PRLR: variants seen among roughly 807,000 people sequenced by gnomAD.
The protein encoded by PRLR is hPRL receptor.
Under a neutral mutation model 40.2 loss-of-function variants are expected in PRLR, and 13 were observed. The observed-to-expected ratio is 0.32, with a 90% CI of 0.21 to 0.51. The LOEUF (loss-of-function observed/expected upper bound fraction) is 0.51. Among genes scored for constraint, PRLR ranks in the 20% least tolerant of loss-of-function variants. The pLI, the probability that PRLR is intolerant of heterozygous loss-of-function variation, is 0.97. For missense variants in PRLR, 656 were observed against 747.3 expected (o/e 0.88, Z 1.42); for synonymous variants, 269 against 278.7 (o/e 0.97, Z 0.35).
chr5:35,214,994 T>C (rs983906100), intron 1 of PRLR, among the ~76,000 whole-genome samples: 9 of 152,146 alleles, frequency 5.9e-5, no homozygotes, highest in Non-Finnish European at 1.2e-4. Context: ...TGGTCACCAG[T>C]CAACTGTGGA....
At chr5:35,147,030 G>A (rs1256228713) in intron 1 of PRLR, among the ~76,000 whole-genome samples, 1 of 152,108 alleles carries the variant, frequency 6.6e-6, no homozygotes, top group Non-Finnish European at 1.5e-5. Context: ...TTGAGGAGGA[G>A]AGTAGGATGC....
At chr5:35,078,789 C>T (rs1383996931) in intron 5 of PRLR, among the ~76,000 whole-genome samples, 3 of 152,190 alleles carry the variant, frequency 2.0e-5, no homozygotes, top group South Asian at 2.1e-4. Flanking sequence ...CCCTGATGAA[C>T]ATTGATGCAA....
chr5:35,170,003 C>T (rs780097124), intron 1 of PRLR, among the ~76,000 whole-genome samples: 3 of 152,092 alleles, frequency 2.0e-5, no homozygotes, highest in South Asian at 2.1e-4. Context: ...GAAGCTACCA[C>T]GTAATTTTCT....
intron 7 of PRLR, among the ~76,000 whole-genome samples, chr5:35,069,332 A>G (rs1212428379): frequency 6.6e-6 from 1 of 152,208 alleles, no homozygotes; most frequent in Non-Finnish European, 1.5e-5. Flanking sequence ...ATTTGAACTC[A>G]GGCTTTCTGC....
At chr5:35,088,939 T>C (rs1373363712) in intron 3 of PRLR, among the ~76,000 whole-genome samples, 2 of 152,160 alleles carry the variant, frequency 1.3e-5, no homozygotes, top group Non-Finnish European at 2.9e-5. Flanking sequence ...ATCAGGTCCA[T>C]ATAGAAAAGT....
rs764576273 is a variant in PRLR, at chr5:35,063,041, TG to T, written c.*2047del. The T allele has an allele frequency of 4.6e-5, 7 of 152,316 alleles. 1 individual carries two copies. The highest frequency in any genetic ancestry group is 1.9e-4 in the East Asian group (1 of 5,176). The allele number at this position is 152,316 out of a possible 1,614,324, so 9.4% of individuals were successfully genotyped here. ...GAATCATTTGGGGATCTTAGTAAAATGCAGATTCTGATGCTTAAGATTCTGC... is the reference window on the plus strand; with the variant it reads ...GAATCATTTGGGGATCTTAGTAAAATCAGATTCTGATGCTTAAGATTCTGC... On this transcript the variant is annotated 3_prime_UTR_variant, in exon 10 of 10. Transcript: ENST00000618457.
At chr5:35,187,474 G>T (rs781687152) in intron 1 of PRLR, among the ~76,000 whole-genome samples, 1 of 152,040 alleles carries the variant, frequency 6.6e-6, no homozygotes, top group African/African-American at 2.4e-5. Context: ...ACAGATGAGA[G>T]CTCACTATTA....
At chr5:35,054,252 G>A (rs1768615348), downstream of PRLR, among the ~76,000 whole-genome samples, 1 of 152,224 alleles carries the variant, frequency 6.6e-6, no homozygotes, top group South Asian at 2.1e-4. Flanking sequence ...CAATTTGTCA[G>A]CATCTAGGAA....
rs981991156 is a variant in PRLR, at chr5:35,056,838, T to A, written c.*8251A>T. ...AGTTTTTTAGAGCATGATACTCAAGTAAGAAAGAAATTTCTCATTCTTCTG... is the reference window on the plus strand; with the variant it reads ...AGTTTTTTAGAGCATGATACTCAAGAAAGAAAGAAATTTCTCATTCTTCTG... On this transcript the variant is annotated 3_prime_UTR_variant, in exon 10 of 10. Coordinates refer to ENST00000618457, the MANE Select transcript of PRLR (RefSeq NM_000949.7). The A allele has an allele frequency of 2.6e-5, 4 of 152,218 alleles. No homozygotes were observed. The highest frequency in any genetic ancestry group is 9.6e-5 in the African/African-American group (4 of 41,546). The allele number at this position is 152,218 out of a possible 1,614,324, so 9.4% of individuals were successfully genotyped here.
At chr5:35,095,106 G>A (rs1458925526) in intron 2 of PRLR, among the ~76,000 whole-genome samples, 1 of 152,176 alleles carries the variant, frequency 6.6e-6, no homozygotes, top group African/African-American at 2.4e-5. Flanking sequence ...TGTGATTACA[G>A]GCATGAGCCA....
chr5:35,199,143 G>T (rs925523175), intron 1 of PRLR, among the ~76,000 whole-genome samples: 2 of 151,086 alleles, frequency 1.3e-5, no homozygotes, highest in African/African-American at 4.8e-5. Context: ...CTCACCAGAA[G>T]GTTACAGAGG....
chr5:35,185,479 C>G (rs566243217), intron 1 of PRLR, among the ~76,000 whole-genome samples: 1 of 151,838 alleles, frequency 6.6e-6, no homozygotes, highest in African/African-American at 2.4e-5. Flanking sequence ...AGGCTTGGGC[C>G]TTTTCTAACT....
In PRLR at chr5:35,056,475, A is replaced by C. The variant is rs1768725644; in HGVS notation, c.*8614T>G. 1 of 152,108 alleles carries C rather than the reference A, an allele frequency of 6.6e-6. No individual in the cohort carries two copies. The highest frequency in any genetic ancestry group is 2.4e-5 in the African/African-American group (1 of 41,436). The allele number at this position is 152,108 out of a possible 1,614,324, so 9.4% of individuals were successfully genotyped here. ...AGATTTCAAAGTTTCTATTAAATGGAAGTTGCATCTTCCAGCCCCAAAGAA... is the reference window on the plus strand; with the variant it reads ...AGATTTCAAAGTTTCTATTAAATGGCAGTTGCATCTTCCAGCCCCAAAGAA... On this transcript the variant is annotated 3_prime_UTR_variant, in exon 10 of 10. Coordinates refer to ENST00000618457, the MANE Select transcript of PRLR (RefSeq NM_000949.7).
At chr5:35,112,420 G>T (rs1406936523) in intron 2 of PRLR, among the ~76,000 whole-genome samples, 2 of 152,094 alleles carry the variant, frequency 1.3e-5, no homozygotes, top group African/African-American at 4.8e-5. Context: ...GTTTTACTCT[G>T]GCCCCGGGGC....
intron 1 of PRLR, among the ~76,000 whole-genome samples, chr5:35,136,908 C>T (rs774274193): frequency 2.7e-5 from 4 of 149,690 alleles, no homozygotes; most frequent in Non-Finnish European, 5.9e-5. Flanking sequence ...TTGCTGGTAT[C>T]GAGTCCACAC....
chr5:35,132,584 A>G (rs1773723098), intron 1 of PRLR, among the ~76,000 whole-genome samples: 1 of 152,226 alleles, frequency 6.6e-6, no homozygotes, highest in African/African-American at 2.4e-5. Flanking sequence ...TCAAAATAGG[A>G]AACACATTAG....
chr5:35,050,043 G>A (rs1409974287), intron 8 of PRLR, among the ~76,000 whole-genome samples: 5 of 151,800 alleles, frequency 3.3e-5, no homozygotes, highest in Non-Finnish European at 5.9e-5. Flanking sequence ...AAGTAGCTGG[G>A]ATTACAGCTA....
intron 5 of PRLR, among the ~76,000 whole-genome samples, chr5:35,076,546 G>A (rs776319004): frequency 9.9e-5 from 15 of 152,210 alleles, no homozygotes; most frequent in Non-Finnish European, 1.9e-4. Flanking sequence ...GGGACTATGT[G>A]AAAAGACCAA....
At chr5:35,110,232 G>A (rs1772570372) in intron 2 of PRLR, among the ~76,000 whole-genome samples, 1 of 152,062 alleles carries the variant, frequency 6.6e-6, no homozygotes, top group Non-Finnish European at 1.5e-5. Flanking sequence ...TGGGGGGAGG[G>A]GGTGATAGCA....
Sources: allele counts gnomAD v4.1 joint callset (sites outside exome capture counted in the v4.1 genomes callset), GRCh38; gene constraint gnomAD v4.1.1; transcripts MANE v1.5; gene names NCBI Gene and HGNC (gene_info 2026-07-23, HGNC 2026-07-21).